Variants in SGMS1 observed in about 807,000 individuals in gnomAD.
The protein encoded by SGMS1 is phosphatidylcholine:ceramide cholinephosphotransferase 1.
In SGMS1, 13 loss-of-function variants were observed where a neutral mutation model predicts 46.2. The observed-to-expected ratio is 0.28, with a 90% CI of 0.18 to 0.45. SGMS1 has a LOEUF of 0.45. Ranked by LOEUF, SGMS1 falls within the 20% of genes least tolerant of loss-of-function variation. SGMS1 has a pLI of 1.00. For synonymous variants in SGMS1, 203 were observed against 187.8 expected, an observed-to-expected ratio of 1.08 and a Z score of -0.66; for missense variants, 324 against 519.9, an observed-to-expected ratio of 0.62 and a Z score of 3.66.
At chr10:50,340,714 AAATGTCAC>A (rs1386967912) in intron 7 of SGMS1, 1 of 152,352 alleles carries the variant, frequency 6.6e-6, no homozygotes, top group African/African-American at 2.4e-5. Context: ...AGATAGAACC[AAATGTCAC>A]AATGTCACAA....
chr10:50,571,527 A>G (rs536128225), intron 2 of SGMS1, among the ~76,000 whole-genome samples: 15 of 152,338 alleles, frequency 9.8e-5, no homozygotes, highest in Middle Eastern at 6.8e-3. Context: ...GGCACCACAT[A>G]GTGTCCAGCA....
intron 6 of SGMS1, among the ~76,000 whole-genome samples, chr10:50,401,075 G>A (rs544362669): frequency 6.6e-5 from 10 of 152,236 alleles, no homozygotes; most frequent in Middle Eastern, 3.4e-3. Flanking sequence ...TGAGACATAC[G>A]ACGTAAACCA....
intron 3 of SGMS1, among the ~76,000 whole-genome samples, chr10:50,486,269 T>A (rs1397355677): frequency 6.6e-6 from 1 of 152,088 alleles, no homozygotes; most frequent in Non-Finnish European, 1.5e-5. Flanking sequence ...GATTTCATAA[T>A]GAAAACATCA....
chr10:50,332,330 C>T lies in SGMS1; in HGVS notation c.624-5008G>A, dbSNP rs142429645. ...CTTCTCCTGGGACACTTGCCTGTCA[C>T]TGACATTCCATTCAAATGTCATCTC... On this transcript the variant is annotated intron_variant, in intron 7 of 10. Transcript: ENST00000361781. Among the ~76,000 whole-genome samples the T allele has an allele frequency of 5.1e-3, 770 of 152,252 alleles. 5 individuals are homozygous for T. The highest frequency in any genetic ancestry group is 9.0e-3 in the Non-Finnish European group (611 of 68,020).
chr10:50,606,358 T>C (rs1838693856), intron 1 of SGMS1, among the ~76,000 whole-genome samples: 1 of 152,158 alleles, frequency 6.6e-6, no homozygotes, highest in Non-Finnish European at 1.5e-5. Context: ...GAGTTTCAGC[T>C]TGGGATGAGG....
At chr10:50,396,352 C>T (rs1015266821) in intron 6 of SGMS1, among the ~76,000 whole-genome samples, 1 of 152,112 alleles carries the variant, frequency 6.6e-6, no homozygotes, top group Non-Finnish European at 1.5e-5. Flanking sequence ...TCAACCCACA[C>T]AGTAAGGTAC....
At chr10:50,517,087 G>C (rs182756900) in intron 3 of SGMS1, among the ~76,000 whole-genome samples, 1 of 152,170 alleles carries the variant, frequency 6.6e-6, no homozygotes, top group East Asian at 1.9e-4. Context: ...AGTGGTCCTG[G>C]GTCTGTAGCA....
intron 3 of SGMS1, among the ~76,000 whole-genome samples, chr10:50,472,242 G>A (rs546198115): frequency 2.0e-4 from 31 of 152,080 alleles, no homozygotes; most frequent in African/African-American, 7.5e-4. Flanking sequence ...TATTCTTATA[G>A]CAATTTTGAA....
intron 7 of SGMS1, chr10:50,334,533 T>G (rs978041029): frequency 1.4e-4 from 22 of 152,164 alleles, no homozygotes; most frequent in Non-Finnish European, 4.4e-5. Context: ...GGCTAAGGGA[T>G]TATCCTTAAA....
At chr10:50,502,628 G>A (rs905381912) in intron 3 of SGMS1, among the ~76,000 whole-genome samples, 2 of 152,126 alleles carry the variant, frequency 1.3e-5, no homozygotes, top group Non-Finnish European at 2.9e-5. Flanking sequence ...TTAAAATTGT[G>A]CAGATACAAA....
intron 2 of SGMS1, among the ~76,000 whole-genome samples, chr10:50,569,479 G>C (rs1456384668): frequency 6.6e-6 from 1 of 151,902 alleles, no homozygotes; most frequent in Admixed American, 6.6e-5. Context: ...GGTTAGGTAG[G>C]GACTCTGCAG....
At chr10:50,389,325 A>G (rs1045187137) in intron 6 of SGMS1, among the ~76,000 whole-genome samples, 2 of 152,202 alleles carry the variant, frequency 1.3e-5, no homozygotes, top group African/African-American at 4.8e-5. Context: ...TGGCTGTACT[A>G]ATATAAAAAC....
rs76284322 is a variant in SGMS1, at chr10:50,422,642, C to T, written c.-232+10834G>A. 5.6e-3 allele frequency among the ~76,000 whole-genome samples: 851 copies of T among 152,284 alleles called. 8 individuals are homozygous for T. The highest frequency in any genetic ancestry group is 0.019 in the African/African-American group (800 of 41,558). Reference sequence around the variant, plus strand: ...TGATAATCTTGCCAAAGTACCAATTCCTCCTTAAATGTAAACATCACTCTC... The same window carrying T: ...TGATAATCTTGCCAAAGTACCAATTTCTCCTTAAATGTAAACATCACTCTC... On this transcript the variant is annotated intron_variant, in intron 6 of 10. Transcript: ENST00000361781.
At chr10:50,507,428 G>A (rs1837716580) in intron 3 of SGMS1, among the ~76,000 whole-genome samples, 1 of 152,158 alleles carries the variant, frequency 6.6e-6, no homozygotes, top group Non-Finnish European at 1.5e-5. Flanking sequence ...GCTCAGGCCA[G>A]CCCAAGCTGA....
intron 7 of SGMS1, chr10:50,341,422 A>G: frequency 2.2e-6 from 1 of 456,024 alleles, no homozygotes; most frequent in Non-Finnish European, 4.4e-6. Flanking sequence ...CTCTGCTTTC[A>G]TTTCCCACAT....
chr10:50,343,743 C>T lies in SGMS1; in HGVS notation c.372G>A (p.Glu124=). Residue 124 remains glutamate, a synonymous_variant, in exon 7 of 11, where the codon GAG becomes GAA. Transcript: ENST00000361781. ...CCCACTCCATGGGGTACTGAGAGCG[C>T]TCCAGTTCTGGCATGGGGATCTTTA... ...EMIKIPMPEL[E]RSQYPMEWGK... 1.2e-6 allele frequency: 2 copies of T among 1,614,166 alleles called. No homozygotes were observed. The highest frequency in any genetic ancestry group is 1.7e-6 in the Non-Finnish European group (2 of 1,180,032).
chr10:50,499,164 G>A (rs1837640540), intron 3 of SGMS1, among the ~76,000 whole-genome samples: 1 of 152,174 alleles, frequency 6.6e-6, no homozygotes, highest in African/African-American at 2.4e-5. Context: ...TAGCAGCTGA[G>A]ATTAAATTTT....
At chr10:50,432,150 T>C (rs1849410923) in intron 6 of SGMS1, among the ~76,000 whole-genome samples, 1 of 152,178 alleles carries the variant, frequency 6.6e-6, no homozygotes, top group Non-Finnish European at 1.5e-5. Flanking sequence ...CTACAATTAG[T>C]GGTGTATTAG....
Position 50,307,174 on chromosome 10 carries a change from C to G in SGMS1, c.1210G>C (p.Val404Leu). The G allele has an allele frequency of 6.2e-7, 1 of 1,614,040 alleles. No individual in the cohort carries two copies. Among genetic ancestry groups the G allele is most frequent in the African/African-American group, 1.3e-5 (1 of 75,026 alleles). ...PWPVVHLSRQVKYSRLVNDT is the reference protein window; with the variant it reads ...PWPVVHLSRQLKYSRLVNDT ...TCATTCACCAGCCGGCTGTATTTAA[C>G]TTGCCTACTGAGGTGGACTACTGGC... Residue 404 changes from valine to leucine, a missense_variant, in exon 11 of 11, where the codon GTT becomes CTT. By Grantham distance (32) the Val-to-Leu change is conservative (BLOSUM62 1). Around this residue, in one of 2 missense-constraint regions of SGMS1, gnomAD observed 174 missense variants for 350.1 expected, o/e 0.50. Coordinates refer to ENST00000361781, the MANE Select transcript of SGMS1 (RefSeq NM_147156.4). This position sits in a 1 kb window ranked among gnomAD's most constrained non-coding sequence, Gnocchi z 4.2.
Sources: gnomAD v4.1 joint callset for allele counts (sites outside exome capture counted in the v4.1 genomes callset) on GRCh38, gnomAD v4.1.1 for gene constraint, gnomAD v4.1.1 regional missense constraint, Gnocchi (gnomAD v3.1) non-coding constraint, MANE v1.5 for transcripts, NCBI Gene and HGNC (gene_info 2026-07-23, HGNC 2026-07-21) for gene names.